NPAS3: variants seen among roughly 807,000 people sequenced by gnomAD.
NPAS3 encodes neuronal PAS domain-containing protein 3.
NPAS3 carries 14 observed loss-of-function variants against 73.1 expected under a neutral mutation model. The ratio of observed to expected loss-of-function variants is 0.19; its 90% CI spans 0.13 to 0.30. NPAS3 has a LOEUF of 0.30. Ranked by LOEUF, NPAS3 falls within the 10% of genes least tolerant of loss-of-function variation. The pLI, the probability that NPAS3 is intolerant of heterozygous loss-of-function variation, is 1.00. For synonymous variants in NPAS3, 620 were observed against 541.5 expected (o/e 1.14, Z -2.01); for missense variants, 1,096 against 1,250.0 (o/e 0.88, Z 1.86).
At chr14:33,543,983 A>ATC (rs1438439618) in intron 4 of NPAS3, among the ~76,000 whole-genome samples, 21 of 36,666 alleles carry the variant, frequency 5.7e-4, no homozygotes, top group African/African-American at 5.4e-3. Context: ...ATATATATAT[A>ATC]TATATATATA....
At position 33,587,572 on chromosome 14, in the gene NPAS3, C is replaced by T. The variant is rs144543185; in HGVS notation, c.558+27362C>T. ...TTATATGACACACTTAGCATAGTAC[C>T]GGACACTTCTCCTCCTCCTCCTCTT... is the stretch of plus-strand genomic sequence containing the variant. On this transcript the variant is annotated intron_variant, in intron 5 of 11. Transcript: ENST00000356141. 7.2e-5 allele frequency among the ~76,000 whole-genome samples: 11 copies of T among 152,084 alleles called. 1 individual carries two copies. The highest frequency in any genetic ancestry group is 1.4e-4 in the African/African-American group (6 of 41,532).
In NPAS3 at chr14:33,710,063, CT is replaced by C. The variant is rs371959216; in HGVS notation, c.734-25150del. On this transcript the variant is annotated intron_variant, in intron 6 of 11. Coordinates refer to ENST00000356141, the Ensembl canonical transcript of NPAS3. ...AGGGAGTCTGTGGAGATTGTGATTT[CT>C]ATTTGCACTCATCTTATGTTAGTGA... 6.7e-3 allele frequency among the ~76,000 whole-genome samples: 1,020 copies of C among 152,302 alleles called. 10 individuals carry two copies. The highest frequency in any genetic ancestry group is 0.024 in the African/African-American group (984 of 41,572).
At chr14:33,088,274 AT>A (rs1436023878) in intron 2 of NPAS3, among the ~76,000 whole-genome samples, 1 of 152,228 alleles carries the variant, frequency 6.6e-6, no homozygotes, top group Admixed American at 6.5e-5. Context: ...GGGTCAGGGA[AT>A]TCCCTTTCCT....
At chr14:33,631,428 A>G (rs2058373834) in intron 5 of NPAS3, among the ~76,000 whole-genome samples, 1 of 152,236 alleles carries the variant, frequency 6.6e-6, no homozygotes. Flanking sequence ...TAAAGCTATG[A>G]AAGCCTTCAA....
At chr14:33,374,902 C>G (rs984343410) in intron 4 of NPAS3, among the ~76,000 whole-genome samples, 1 of 152,026 alleles carries the variant, frequency 6.6e-6, no homozygotes, top group East Asian at 1.9e-4. Context: ...GTCAACATGC[C>G]TTTTACATTT....
rs144006042 is a variant in NPAS3, at chr14:32,994,383, T to C, written c.50+55017T>C. Among the ~76,000 whole-genome samples the C allele has an allele frequency of 2.6e-3, 394 of 152,256 alleles. 2 individuals carry two copies. Among genetic ancestry groups the C allele is most frequent in the African/African-American group, 9.2e-3 (382 of 41,534 alleles). On this transcript the variant is annotated intron_variant, in intron 1 of 11. Transcript: ENST00000356141. ...CAAGTGAATACTACTTATACTTCTG[T>C]CATTTCAGCAAAAGACAGAAATAAT...
chr14:33,249,028 G>T (rs549514437), intron 3 of NPAS3, among the ~76,000 whole-genome samples: 1 of 152,296 alleles, frequency 6.6e-6, no homozygotes. Flanking sequence ...TACCATGGAA[G>T]TAAATTGACC....
intron 3 of NPAS3, among the ~76,000 whole-genome samples, chr14:33,314,939 G>A (rs1306845955): frequency 6.6e-6 from 1 of 152,078 alleles, no homozygotes; most frequent in African/African-American, 2.4e-5. Context: ...CAAAGTCCAT[G>A]CTTTCATGAG....
intron 3 of NPAS3, among the ~76,000 whole-genome samples, chr14:33,339,994 C>G (rs1158882151): frequency 6.6e-6 from 1 of 152,092 alleles, no homozygotes; most frequent in African/African-American, 2.4e-5. Flanking sequence ...ACAAGTTTAA[C>G]TATTTTCTTT....
At chr14:33,387,404 A>G (rs2046817597) in intron 4 of NPAS3, among the ~76,000 whole-genome samples, 1 of 152,120 alleles carries the variant, frequency 6.6e-6, no homozygotes, top group Non-Finnish European at 1.5e-5. Context: ...AGCCAGGGAG[A>G]ACCTTTATGC....
chr14:33,704,295 CTTT>C, intron 6 of NPAS3, among the ~76,000 whole-genome samples: 1 of 152,238 alleles, frequency 6.6e-6, no homozygotes, highest in Admixed American at 6.5e-5. Context: ...CTGCAGATTA[CTTT>C]TTTAAGTTCT....
intron 2 of NPAS3, among the ~76,000 whole-genome samples, chr14:33,208,963 T>C (rs1034622153): frequency 1.3e-5 from 2 of 152,310 alleles, no homozygotes; most frequent in African/African-American, 2.4e-5. Flanking sequence ...GTTGTGAAAT[T>C]GGCCTATTAT....
intron 4 of NPAS3, among the ~76,000 whole-genome samples, chr14:33,424,979 G>A (rs769261436): frequency 6.6e-6 from 1 of 151,988 alleles, no homozygotes; most frequent in Non-Finnish European, 1.5e-5. Flanking sequence ...ACTACTTAAA[G>A]ATTGTGGGAA....
chr14:33,020,862 G>A (rs113092804), intron 1 of NPAS3, among the ~76,000 whole-genome samples: 1 of 151,908 alleles, frequency 6.6e-6, no homozygotes, highest in Non-Finnish European at 1.5e-5. Flanking sequence ...CCGGGTTCAA[G>A]CGATTCTCCT....
intron 7 of NPAS3, among the ~76,000 whole-genome samples, chr14:33,754,009 T>G (rs2062039921): frequency 6.6e-6 from 1 of 152,094 alleles, no homozygotes; most frequent in Non-Finnish European, 1.5e-5. Context: ...AAAATCAGTT[T>G]CCCTAGAGTG....
chr14:33,752,044 C>T (rs185173198), intron 7 of NPAS3, among the ~76,000 whole-genome samples: 263 of 152,182 alleles, frequency 1.7e-3, no homozygotes, highest in African/African-American at 6.0e-3. Flanking sequence ...AAAAAATAAA[C>T]CTTTATATTC....
intron 3 of NPAS3, among the ~76,000 whole-genome samples, chr14:33,320,741 G>A (rs139950014): frequency 7.7e-4 from 118 of 152,298 alleles, no homozygotes; most frequent in African/African-American, 2.6e-3. Context: ...ATGTCATTTG[G>A]TAAGACTAAC....
intron 9 of NPAS3, among the ~76,000 whole-genome samples, chr14:33,788,895 T>C (rs2063261615): frequency 6.7e-6 from 1 of 148,616 alleles, no homozygotes; most frequent in African/African-American, 2.5e-5. Flanking sequence ...ACATTTCTTA[T>C]AGGCCAACCA....
At chr14:32,975,860 C>CGTGTGTGT (rs71118522) in intron 1 of NPAS3, among the ~76,000 whole-genome samples, 1 of 145,744 alleles carries the variant, frequency 6.9e-6, no homozygotes, top group Non-Finnish European at 1.5e-5. Flanking sequence ...TGGTGAGGGG[C>CGTGTGTGT]GTGTGTGTGT....
Sources: gnomAD v4.1 joint callset for allele counts (sites outside exome capture counted in the v4.1 genomes callset) on GRCh38, gnomAD v4.1.1 for gene constraint, MANE v1.5 for transcripts, NCBI Gene and HGNC (gene_info 2026-07-23, HGNC 2026-07-21) for gene names.